The following TMEM214 variants were observed in gnomAD, a reference collection of about 807,000 sequenced individuals.
The protein encoded by TMEM214 is transmembrane protein 214.
TMEM214 carries 71 observed loss-of-function variants against 89.8 expected under a neutral mutation model. The observed-to-expected ratio is 0.79, with a 90% CI of 0.65 to 0.96. TMEM214 has a LOEUF of 0.96. Ranked by LOEUF, TMEM214 falls within the 40% of genes least tolerant of loss-of-function variation. The pLI, the probability that TMEM214 is intolerant of heterozygous loss-of-function variation, is 0.00. For missense variants in TMEM214, 754 were observed against 843.4 expected, an observed-to-expected ratio of 0.89 and a Z score of 1.31; for synonymous variants, 332 against 349.5, an observed-to-expected ratio of 0.95 and a Z score of 0.56.
At position 27,038,994 on chromosome 2, in the gene TMEM214, G is replaced by A; in HGVS notation, c.1408-53G>A. 1 of 1,588,284 alleles carries A rather than the reference G, an allele frequency of 6.3e-7. No homozygotes were observed. The highest frequency in any genetic ancestry group is 1.1e-5 in the South Asian group (1 of 90,624). On this transcript the variant is annotated intron_variant, in intron 12 of 16. Transcript: ENST00000238788. The surrounding 1 kb of genome is among the most constrained non-coding windows in gnomAD (Gnocchi z 4.4). The stretch of plus-strand genomic sequence containing the variant: ...CCTGGCTTGAGGTCTGCCCTCAGAG[G>A]CAAAGACCAGCCCCTCGCTTCTGAC...
chr2:27,035,971 G>T lies in TMEM214; in HGVS notation c.639G>T (p.Gly213=), dbSNP rs1367418525. 13 of 1,613,960 alleles carry T rather than the reference G, an allele frequency of 8.1e-6. No individual in the cohort carries two copies. Among genetic ancestry groups the T allele is most frequent in the Non-Finnish European group, 1.1e-5 (13 of 1,179,972 alleles). Reference sequence around the variant, plus strand: ...GTGTGAGAATGTGTATCTCTCCAGGGGAGTCACTACATGGTTACCGCATCT... The same window carrying T: ...GTGTGAGAATGTGTATCTCTCCAGGTGAGTCACTACATGGTTACCGCATCT... The part of the protein sequence containing the change: ...TMLQELDKTP[G]ESLHGYRICI... Residue 213 remains glycine (G), a splice_region_variant and synonymous_variant, in exon 5 of 17, where the codon GGG becomes GGT. Coordinates refer to ENST00000238788, the MANE Select transcript of TMEM214 (RefSeq NM_017727.5).
chr2:27,038,991 G>A lies in TMEM214; in HGVS notation c.1408-56G>A. The stretch of plus-strand genomic sequence containing the variant: ...AGGCCTGGCTTGAGGTCTGCCCTCA[G>A]AGGCAAAGACCAGCCCCTCGCTTCT... On this transcript the variant is annotated intron_variant, in intron 12 of 16. Transcript: ENST00000238788. This position sits in a 1 kb window ranked among gnomAD's most constrained non-coding sequence, Gnocchi z 4.4. 6.3e-7 allele frequency: 1 copy of A among 1,582,730 alleles called. No homozygotes were observed. The highest frequency in any genetic ancestry group is 8.7e-7 in the Non-Finnish European group (1 of 1,154,842).
intron 5 of TMEM214, among the ~76,000 whole-genome samples, chr2:27,036,271 GA>G (rs1667553471): frequency 6.6e-6 from 1 of 152,238 alleles, no homozygotes; most frequent in Non-Finnish European, 1.5e-5. Context: ...TTGAGCCACA[GA>G]GGAGTTCAGT....
At chr2:27,039,939 C>T (rs929121453) in intron 14 of TMEM214, 91 bp from the exon 15 acceptor site, 14 of 1,594,724 alleles carry the variant, frequency 8.8e-6, no homozygotes, top group Admixed American at 1.7e-5. Context: ...ATTCTCCTTT[C>T]CCACGGCCTC....
Position 27,036,013 on chromosome 2 carries a change from G to A in TMEM214, c.681G>A (p.Leu227=). The A allele has an allele frequency of 6.2e-7, 1 of 1,614,208 alleles. No individual in the cohort carries two copies. The highest frequency in any genetic ancestry group is 8.5e-7 in the Non-Finnish European group (1 of 1,180,046). ...ACCGCATCTGTATCCAGGCCATCCT[G>A]CAAGACAAGCCCAAGATTGCCACGG... ...HGYRICIQAI[L]QDKPKIATAN... Residue 227 remains leucine (L), a synonymous_variant, in exon 5 of 17, where the codon CTG becomes CTA. Coordinates refer to ENST00000238788, the MANE Select transcript of TMEM214 (RefSeq NM_017727.5).
At position 27,037,543 on chromosome 2, in the gene TMEM214, C is replaced by T; in HGVS notation, c.1011-18C>T. 6.2e-7 allele frequency: 1 copy of T among 1,614,080 alleles called. No homozygotes were observed. The highest frequency in any genetic ancestry group is 8.5e-7 in the Non-Finnish European group (1 of 1,180,000). ...CCACTTATAGCTTATGCCTGTCTTT[C>T]CTCCCCACCCCACCCAGCCTGCAGG... On this transcript the variant is annotated intron_variant, in intron 8 of 16. Coordinates refer to ENST00000238788, the MANE Select transcript of TMEM214 (RefSeq NM_017727.5).
Position 27,040,885 on chromosome 2 carries a change from A to G in TMEM214, c.*48A>G, listed in dbSNP as rs1667808662. On this transcript the variant is annotated 3_prime_UTR_variant, in exon 17 of 17. Transcript: ENST00000238788. Reference sequence around the variant, plus strand: ...TTTCTGCATGGGTAGACCATCCAAGACTGCAGCGGGTAGAAGGTGGCAGTT... The same window carrying G: ...TTTCTGCATGGGTAGACCATCCAAGGCTGCAGCGGGTAGAAGGTGGCAGTT... 16 of 1,594,772 alleles carry G rather than the reference A, an allele frequency of 1.0e-5. No homozygotes were observed. The highest frequency in any genetic ancestry group is 1.4e-5 in the Non-Finnish European group (16 of 1,164,574).
chr2:27,036,379 C>T (rs961293236), intron 5 of TMEM214, 108 bp from the exon 6 acceptor site: 32 of 971,906 alleles, frequency 3.3e-5, no homozygotes, highest in South Asian at 1.0e-4. Flanking sequence ...CACTCTTGCT[C>T]GGCCTGTCCT....
intron 2 of TMEM214, 141 bp from the exon 3 acceptor site, chr2:27,034,994 A>G: frequency 2.2e-6 from 2 of 899,938 alleles, no homozygotes; most frequent in South Asian, 3.3e-5. Flanking sequence ...GAATTGCAGC[A>G]TTCCATGTTC....
chr2:27,034,081 A>G lies in TMEM214; in HGVS notation c.166A>G (p.Thr56Ala). The change falls in exon 2 of 17, where the codon ACA becomes GCA. Residue 56 changes from threonine (T) to alanine (A), a missense_variant. Thr to Ala is a moderately conservative substitution (Grantham distance 58, BLOSUM62 0). Coordinates refer to ENST00000238788, the MANE Select transcript of TMEM214 (RefSeq NM_017727.5). Reference sequence around the variant, plus strand: ...CTTCACCCCAGCTGCAATCCAGACCACAAGCACCCTTTATGAGCGGGGCTT... The same window carrying G: ...CTTCACCCCAGCTGCAATCCAGACCGCAAGCACCCTTTATGAGCGGGGCTT... ...KYDLTPAIQT[T>A]STLYERGFEN... 2 of 1,614,106 alleles carry G rather than the reference A, an allele frequency of 1.2e-6. No homozygotes were observed. Among genetic ancestry groups the G allele is most frequent in the South Asian group, 2.2e-5 (2 of 91,076 alleles).
In TMEM214 at chr2:27,040,884, G is replaced by T; in HGVS notation, c.*47G>T. ...ATTTCTGCATGGGTAGACCATCCAA[G>T]ACTGCAGCGGGTAGAAGGTGGCAGT... On this transcript the variant is annotated 3_prime_UTR_variant, in exon 17 of 17. Transcript: ENST00000238788. 6.3e-7 allele frequency: 1 copy of T among 1,595,290 alleles called. No homozygotes were observed. Among genetic ancestry groups the T allele is most frequent in the South Asian group, 1.1e-5 (1 of 90,716 alleles).
rs768889210 is a variant in TMEM214 at position 27,038,009 on chromosome 2, G to A, written c.1153-137G>A. 14 of 1,591,254 alleles carry A rather than the reference G, an allele frequency of 8.8e-6. No individual in the cohort carries two copies. The highest frequency in any genetic ancestry group is 3.4e-5 in the South Asian group (3 of 88,088). On this transcript the variant is annotated intron_variant, in intron 9 of 16. Coordinates refer to ENST00000238788, the MANE Select transcript of TMEM214 (RefSeq NM_017727.5). The surrounding 1 kb of genome is among the most constrained non-coding windows in gnomAD (Gnocchi z 4.4). Reference sequence around the variant, plus strand: ...CTCTCAGAGAGCTTTCTGGAGTCTTGACACTGTTTCTCCACCCCTTAGGGT... The same window carrying A: ...CTCTCAGAGAGCTTTCTGGAGTCTTAACACTGTTTCTCCACCCCTTAGGGT...
rs2148251355 is a variant in TMEM214 at position 27,040,786 on chromosome 2, C to T, written c.2019C>T (p.Asp673=). 6.2e-7 allele frequency: 1 copy of T among 1,614,216 alleles called. No individual in the cohort carries two copies. Among genetic ancestry groups the T allele is most frequent in the African/African-American group, 1.3e-5 (1 of 75,074 alleles). ...AVHWTWLCLQ[D]ITVAFLDWAL... Reference sequence around the variant, plus strand: ...ACTGGACCTGGCTTTGCCTACAGGACATTACAGTGGCTTTCTTGGACTGGG... The same window carrying T: ...ACTGGACCTGGCTTTGCCTACAGGATATTACAGTGGCTTTCTTGGACTGGG... The change falls in exon 17 of 17, where the codon GAC becomes GAT. Residue 673 remains aspartate (D), a synonymous_variant. Transcript: ENST00000238788.
In TMEM214 at chr2:27,040,481, G is replaced by A. The variant is rs765182993; in HGVS notation, c.1928G>A (p.Cys643Tyr). Residue 643 changes from cysteine to tyrosine, a missense_variant, in exon 16 of 17, where the codon TGC becomes TAC. Physicochemically the swap from Cys to Tyr is radical, Grantham distance 194. Transcript: ENST00000238788. ...LEALAWAQEH[C>Y]HEACRGEVTW... The stretch of plus-strand genomic sequence containing the variant: ...GCCCTGGCCTGGGCCCAGGAGCACT[G>A]CCATGAGGCATGCAGGTGAGACCTT... 7 of 1,613,720 alleles carry A rather than the reference G, an allele frequency of 4.3e-6. No homozygotes were observed. In the African/African-American group the frequency reaches 9.3e-5, roughly 22 times the overall value.
In TMEM214 at chr2:27,037,558, C is replaced by G; in HGVS notation, c.1011-3C>G. ...GCCTGTCTTTCCTCCCCACCCCACC[C>G]AGCCTGCAGGAGCAGCTGTGTCAGC... On this transcript the variant is annotated splice_region_variant and splice_polypyrimidine_tract_variant and intron_variant, in intron 8 of 16. Transcript: ENST00000238788. 4 of 1,614,158 alleles carry G rather than the reference C, an allele frequency of 2.5e-6. No homozygotes were observed. The highest frequency in any genetic ancestry group is 3.4e-6 in the Non-Finnish European group (4 of 1,180,014).
At chr2:27,036,620 G>T in intron 6 of TMEM214, 28 bp downstream of exon 6, 1 of 1,613,362 alleles carries the variant, frequency 6.2e-7, no homozygotes, top group Non-Finnish European at 8.5e-7. Flanking sequence ...AAGAAAGAGG[G>T]AGGGTCTCGG....
chr2:27,036,436 C>A, intron 5 of TMEM214, 51 bp from the exon 6 acceptor site: 1 of 1,455,800 alleles, frequency 6.9e-7, no homozygotes, highest in Non-Finnish European at 9.6e-7. Context: ...TTGGGGGGTG[C>A]TCCTGGTGTT....
intron 13 of TMEM214, chr2:27,039,431 T>G: frequency 3.4e-6 from 2 of 590,318 alleles, no homozygotes; most frequent in Non-Finnish European, 6.0e-6. Context: ...GAGGAAATGG[T>G]CTCAGAAAGA....
In TMEM214 at chr2:27,040,370, T is replaced by C. The variant is rs765813966; in HGVS notation, c.1817T>C (p.Val606Ala). The part of the protein sequence containing the change: ...QRLQIQLPDS[V>A]NQLLRYLREL... ...CTACAGATCCAGCTCCCCGATTCCG[T>C]GAATCAGCTACTCCGCTATCTGAGA... Residue 606 changes from valine (V) to alanine (A), a missense_variant, in exon 16 of 17, where the codon GTG becomes GCG. Physicochemically the swap from Val to Ala is moderately conservative, Grantham distance 64 (BLOSUM62 0). Transcript: ENST00000238788. The C allele has an allele frequency of 4.3e-6, 7 of 1,614,064 alleles. No homozygotes were observed. Among genetic ancestry groups the C allele is most frequent in the Non-Finnish European group, 5.1e-6 (6 of 1,180,026 alleles).
Sources: allele counts gnomAD v4.1 joint callset (sites outside exome capture counted in the v4.1 genomes callset), GRCh38; gene constraint gnomAD v4.1.1; non-coding constraint Gnocchi (gnomAD v3.1); transcripts MANE v1.5; gene names NCBI Gene and HGNC (gene_info 2026-07-23, HGNC 2026-07-21).